Variants in BPTF observed in about 807,000 individuals in gnomAD.
BPTF encodes the protein nucleosome-remodeling factor subunit BPTF.
In BPTF, 18 loss-of-function variants were observed where a neutral mutation model predicts 292.5. The observed-to-expected ratio is 0.06, with a 90% CI of 0.04 to 0.09. The LOEUF is 0.09. BPTF is among the 10% of genes least tolerant of loss of function. The probability of loss-of-function intolerance (pLI) is 1.00; values close to 1 mark genes in which losing one functional copy is unlikely to be tolerated. For synonymous variants in BPTF, 1,225 were observed against 1,251.9 expected (o/e 0.98, Z 0.45); for missense variants, 2,726 against 3,498.7 (o/e 0.78, Z 5.57).
chr17:67,883,973 GCATATTATAAGTATTGTT>G (rs997298700), intron 4 of BPTF, among the ~76,000 whole-genome samples: 2 of 152,032 alleles, frequency 1.3e-5, no homozygotes, highest in Non-Finnish European at 2.9e-5. Flanking sequence ...ACAAAAGTAA[GCATATTATAAGTATTGTT>G]CTACACCTTG....
At position 67,948,117 on chromosome 17, in the gene BPTF, G is replaced by A; in HGVS notation, c.7737G>A (p.Leu2579=). Residue 2579 remains leucine (L), a synonymous_variant, in exon 23 of 28, where the codon TTG becomes TTA. Transcript: ENST00000306378. The part of the protein sequence containing the change: ...IVCNQVMKYI[L]DKIDKEEKQA... ...GTAACCAGGTGATGAAGTATATTTT[G>A]GATAAGATAGATAAAGAAGAAAAAC... 1 of 1,614,132 alleles carries A rather than the reference G, an allele frequency of 6.2e-7. No individual in the cohort carries two copies. Among genetic ancestry groups the A allele is most frequent in the Non-Finnish European group, 8.5e-7 (1 of 1,179,996 alleles).
intron 26 of BPTF, among the ~76,000 whole-genome samples, chr17:67,973,051 A>G (rs919751571): frequency 6.9e-6 from 1 of 144,256 alleles, no homozygotes; most frequent in African/African-American, 2.5e-5. Context: ...ATATATATAT[A>G]TTTTATATAT....
chr17:67,926,847 C>G (rs2063946112), intron 15 of BPTF, among the ~76,000 whole-genome samples: 1 of 151,540 alleles, frequency 6.6e-6, no homozygotes, highest in Non-Finnish European at 1.5e-5. Context: ...AGGTGATCCT[C>G]CGGCCTCAGC....
intron 1 of BPTF, among the ~76,000 whole-genome samples, chr17:67,839,701 G>T (rs540372602): frequency 6.6e-6 from 1 of 152,150 alleles, no homozygotes; most frequent in South Asian, 2.1e-4. Flanking sequence ...TTCAATAGTT[G>T]GATATTTCAG....
At chr17:67,857,146 C>CA (rs1191622832) in intron 2 of BPTF, among the ~76,000 whole-genome samples, 3 of 129,930 alleles carry the variant, frequency 2.3e-5, no homozygotes, top group Non-Finnish European at 4.8e-5. Flanking sequence ...TCGTCTTTAA[C>CA]AATTTTTTTT....
At chr17:67,946,950 C>T (rs1555675771) in intron 21 of BPTF, among the ~76,000 whole-genome samples, 2 of 152,188 alleles carry the variant, frequency 1.3e-5, no homozygotes, top group African/African-American at 4.8e-5. Flanking sequence ...CTACCTATAG[C>T]TTGCTTCGCT....
At chr17:67,928,221 T>C in intron 15 of BPTF, 134 bp from the exon 16 acceptor site, 1 of 1,008,724 alleles carries the variant, frequency 9.9e-7, no homozygotes, top group Non-Finnish European at 1.4e-6. Flanking sequence ...TATATTCTTT[T>C]TGGAAGTAAA....
intron 23 of BPTF, chr17:67,955,377 A>T (rs2066830122): frequency 6.6e-6 from 1 of 152,108 alleles, no homozygotes; most frequent in Non-Finnish European, 1.5e-5. Context: ...CCTGCAAAAA[A>T]GGGGCACAGC....
chr17:67,976,781 A>T (rs781841253), intron 27 of BPTF, among the ~76,000 whole-genome samples: 1 of 151,994 alleles, frequency 6.6e-6, no homozygotes, highest in Non-Finnish European at 1.5e-5. Context: ...AGCAGAATAA[A>T]TTCCTTCACT....
At chr17:67,860,545 A>G (rs190940549) in intron 2 of BPTF, among the ~76,000 whole-genome samples, 15 of 152,368 alleles carry the variant, frequency 9.8e-5, no homozygotes, top group East Asian at 7.7e-4. Flanking sequence ...TATTCAGCAT[A>G]TAACTCAGAG....
At chr17:67,975,748 TG>T in intron 26 of BPTF, 23 bp from the exon 27 acceptor site, 1 of 1,584,736 alleles carries the variant, frequency 6.3e-7, no homozygotes, top group South Asian at 1.1e-5. Context: ...GCTCTGAAAA[TG>T]TTTTACATTT....
intron 27 of BPTF, among the ~76,000 whole-genome samples, chr17:67,980,433 G>A (rs1324198318): frequency 2.6e-5 from 4 of 152,272 alleles, no homozygotes; most frequent in African/African-American, 9.6e-5. Context: ...AGGTAGGACA[G>A]AGGAGCACAA....
intron 16 of BPTF, chr17:67,929,102 G>A (rs1301792932): frequency 7.7e-7 from 1 of 1,304,824 alleles, no homozygotes; most frequent in Admixed American, 3.6e-5. Context: ...CGCTGTAAAT[G>A]TGCCAGCAAC....
intron 17 of BPTF, among the ~76,000 whole-genome samples, chr17:67,929,702 G>C (rs2064197299): frequency 6.6e-6 from 1 of 152,174 alleles, no homozygotes; most frequent in South Asian, 2.1e-4. Flanking sequence ...CATTAGTATG[G>C]TTTATGAAGA....
intron 1 of BPTF, among the ~76,000 whole-genome samples, chr17:67,851,095 T>G (rs1336629895): frequency 6.6e-6 from 1 of 152,134 alleles, no homozygotes; most frequent in East Asian, 1.9e-4. Context: ...CAGCCTGGGC[T>G]CCAGAGTCGG....
At chr17:67,951,749 A>C (rs2066381198) in intron 23 of BPTF, 2 of 152,164 alleles carry the variant, frequency 1.3e-5, no homozygotes, top group South Asian at 4.1e-4. Context: ...AACGAGGAAG[A>C]AAAGTTATAC....
At chr17:67,980,912 C>G (rs1456016229) in intron 27 of BPTF, among the ~76,000 whole-genome samples, 3 of 152,194 alleles carry the variant, frequency 2.0e-5, no homozygotes, top group Non-Finnish European at 4.4e-5. Flanking sequence ...GATACCAACA[C>G]TTTGAGAAGC....
In BPTF at chr17:67,983,907, G is replaced by C. The variant is rs2070656503; in HGVS notation, c.*1619G>C. 1 of 152,570 alleles carries C rather than the reference G, an allele frequency of 6.6e-6. No homozygotes were observed. The highest frequency in any genetic ancestry group is 2.4e-5 in the African/African-American group (1 of 41,430). The allele number at this position is 152,570 out of a possible 1,614,324, so 9.5% of individuals were successfully genotyped here. On this transcript the variant is annotated 3_prime_UTR_variant, in exon 28 of 28. Coordinates refer to ENST00000306378, the MANE Select transcript of BPTF (RefSeq NM_182641.4). Reference sequence around the variant, plus strand: ...TTCTTATTACAGGCTCAGGTGTACAGGTTATTCTGGGTTAATTTTATCTAA... The same window carrying C: ...TTCTTATTACAGGCTCAGGTGTACACGTTATTCTGGGTTAATTTTATCTAA...
chr17:67,911,753 A>G lies in BPTF; in HGVS notation c.3869A>G (p.Glu1290Gly), dbSNP rs1282099513. 6.2e-7 allele frequency: 1 copy of G among 1,614,202 alleles called. No homozygotes were observed. Among genetic ancestry groups the G allele is most frequent in the Admixed American group, 1.7e-5 (1 of 60,006 alleles). ...GACTCTGAATCTAATAGCACTTTGG[A>G]AAATAGTTCTGATACCGTGTCTATT... is the stretch of plus-strand genomic sequence containing the variant. The part of the protein sequence containing the change: ...GCDSESNSTL[E>G]NSSDTVSIQD... Residue 1290 changes from glutamate (E) to glycine (G), a missense_variant, in exon 11 of 28, where the codon GAA (glutamate) becomes GGA (glycine). Physicochemically the swap from Glu to Gly is moderately conservative, Grantham distance 98. Transcript: ENST00000306378.
Sources: allele counts gnomAD v4.1 joint callset (sites outside exome capture counted in the v4.1 genomes callset), GRCh38; gene constraint gnomAD v4.1.1; transcripts MANE v1.5; gene names NCBI Gene and HGNC (gene_info 2026-07-23, HGNC 2026-07-21).